TENM3: variants seen among roughly 807,000 people sequenced by gnomAD.
The protein encoded by TENM3 is teneurin-3.
In TENM3, 63 loss-of-function variants were observed where a neutral mutation model predicts 255.1. The ratio of observed to expected loss-of-function variants is 0.25; its 90% confidence interval spans 0.20 to 0.30. The LOEUF is 0.30. TENM3 is among the 10% of genes least tolerant of loss of function. The pLI is 1.00. For missense variants in TENM3, 2,929 were observed against 3,461.1 expected, an observed-to-expected ratio of 0.85 and a Z score of 3.86; for synonymous variants, 1,306 against 1,322.3, an observed-to-expected ratio of 0.99 and a Z score of 0.27.
the TENM3 span, among the ~76,000 whole-genome samples, chr4:181,630,536 G>A: frequency 6.6e-6 from 1 of 152,044 alleles, no homozygotes; most frequent in Non-Finnish European, 1.5e-5. Flanking sequence ...CTGGTATGTT[G>A]TGTCTTTGTT....
At chr4:181,675,820 TCTTCA>T in the TENM3 span, among the ~76,000 whole-genome samples, 2 of 100,348 alleles carry the variant, frequency 2.0e-5, no homozygotes, top group Non-Finnish European at 4.7e-5. Flanking sequence ...TAGTTGAACT[TCTTCA>T]ATTCAATTAG....
At chr4:181,553,961 C>A in the TENM3 span, among the ~76,000 whole-genome samples, 1 of 152,180 alleles carries the variant, frequency 6.6e-6, no homozygotes, top group Non-Finnish European at 1.5e-5. Flanking sequence ...TCTGCCAGCT[C>A]TCCATGCCTC....
chr4:181,701,049 G>T, the TENM3 span, among the ~76,000 whole-genome samples: 3 of 151,944 alleles, frequency 2.0e-5, no homozygotes, highest in East Asian at 3.9e-4. Context: ...CTATTTAATT[G>T]GCTACCTACA....
chr4:182,672,149 G>A (rs895538753), intron 6 of TENM3, among the ~76,000 whole-genome samples: 5 of 152,164 alleles, frequency 3.3e-5, no homozygotes, highest in African/African-American at 1.2e-4. Context: ...AAAGAACCTT[G>A]GCAAAGAGGG....
At chr4:181,501,706 C>G in the TENM3 span, among the ~76,000 whole-genome samples, 12 of 152,270 alleles carry the variant, frequency 7.9e-5, no homozygotes, top group South Asian at 2.3e-3. Context: ...TGCACAGGAC[C>G]AGTCATGTCC....
chr4:182,555,474 A>G (rs1295860949), intron 3 of TENM3, among the ~76,000 whole-genome samples: 1 of 152,182 alleles, frequency 6.6e-6, no homozygotes, highest in Non-Finnish European at 1.5e-5. Flanking sequence ...AAACAAAAAG[A>G]TTATTTGTAT....
chr4:182,781,266 A>C (rs1319041882), intron 24 of TENM3, among the ~76,000 whole-genome samples: 4 of 148,712 alleles, frequency 2.7e-5, no homozygotes, highest in Admixed American at 6.7e-5. Flanking sequence ...TTTAGCATGA[A>C]GGGTTGTTGA....
At chr4:182,256,069 T>C (rs954136132) in intron 1 of TENM3, among the ~76,000 whole-genome samples, 10 of 152,208 alleles carry the variant, frequency 6.6e-5, no homozygotes, top group Non-Finnish European at 1.5e-4. Context: ...CTGCCCACTC[T>C]TCACTGTCTC....
chr4:182,121,729 A>G, the TENM3 span, among the ~76,000 whole-genome samples: 1 of 152,230 alleles, frequency 6.6e-6, no homozygotes, highest in Non-Finnish European at 1.5e-5. Flanking sequence ...CTGATGGAGT[A>G]TCTTGCGTCA....
chr4:181,564,744 C>T, the TENM3 span, among the ~76,000 whole-genome samples: 1 of 152,170 alleles, frequency 6.6e-6, no homozygotes, highest in African/African-American at 2.4e-5. Flanking sequence ...TATCTCTGAC[C>T]TCCCATAATT....
the TENM3 span, among the ~76,000 whole-genome samples, chr4:181,616,022 T>G: frequency 6.6e-6 from 1 of 151,954 alleles, no homozygotes; most frequent in Non-Finnish European, 1.5e-5. Flanking sequence ...TTCTTGATTT[T>G]GGTTGAGAGA....
chr4:182,683,326 A>G (rs1191991650), intron 11 of TENM3, among the ~76,000 whole-genome samples: 1 of 152,164 alleles, frequency 6.6e-6, no homozygotes, highest in Admixed American at 6.5e-5. Flanking sequence ...CATCATCACT[A>G]CCATAGAACA....
chr4:182,350,011 G>T, intron 3 of TENM3: 1 of 143,788 alleles, frequency 7.0e-6, no homozygotes, highest in Non-Finnish European at 1.5e-5. Context: ...TGAAATAACT[G>T]TGAATGAGGC....
intron 18 of TENM3, among the ~76,000 whole-genome samples, chr4:182,740,748 T>A (rs12645760): frequency 1.2e-4 from 18 of 152,122 alleles, no homozygotes; most frequent in Middle Eastern, 3.4e-3. Context: ...GTAGATGTTC[T>A]GTATATGTAT....
chr4:182,621,322 G>A (rs1388165251), intron 4 of TENM3, among the ~76,000 whole-genome samples: 1 of 151,882 alleles, frequency 6.6e-6, no homozygotes, highest in East Asian at 1.9e-4. Context: ...ATGTTTTATA[G>A]CATTTCTGTA....
intron 22 of TENM3, among the ~76,000 whole-genome samples, chr4:182,766,057 T>C (rs1045780751): frequency 6.6e-6 from 1 of 152,070 alleles, no homozygotes; most frequent in Non-Finnish European, 1.5e-5. Flanking sequence ...TTTAAAAATC[T>C]TTCCCACTTA....
At chr4:182,068,814 T>C in the TENM3 span, among the ~76,000 whole-genome samples, 9 of 152,010 alleles carry the variant, frequency 5.9e-5, no homozygotes, top group African/African-American at 2.2e-4. Flanking sequence ...AGAATTTTGG[T>C]AGTGAAAAAT....
At chr4:181,547,564 G>A in the TENM3 span, among the ~76,000 whole-genome samples, 1 of 152,204 alleles carries the variant, frequency 6.6e-6, no homozygotes, top group Non-Finnish European at 1.5e-5. Flanking sequence ...AAGTAAAACT[G>A]TTGTGGAATT....
At chr4:182,241,293 A>C (rs908769515), upstream of TENM3, among the ~76,000 whole-genome samples, 5 of 152,052 alleles carry the variant, frequency 3.3e-5, no homozygotes, top group African/African-American at 9.7e-5. Context: ...CATTTCTGAC[A>C]ATGCTTTCTT....
Sources: allele counts gnomAD v4.1 joint callset (sites outside exome capture counted in the v4.1 genomes callset), GRCh38; gene constraint gnomAD v4.1.1; transcripts MANE v1.5; gene names NCBI Gene and HGNC (gene_info 2026-07-23, HGNC 2026-07-21).